Variants in LYPD6B observed in about 807,000 individuals in gnomAD.
LYPD6B encodes LY6/PLAUR domain containing 6B, also known as ly6/PLAUR domain-containing protein 6B.
Under a neutral mutation model 22.8 loss-of-function variants are expected in LYPD6B, and 17 were observed. The observed-to-expected ratio is 0.75, with a 90% CI of 0.51 to 1.12. The LOEUF is 1.12. Among genes scored for constraint, LYPD6B ranks in the 50% most tolerant of loss-of-function variants. LYPD6B has a pLI of 0.00. For synonymous variants in LYPD6B, 106 were observed against 91.6 expected (o/e 1.16, Z -0.90); for missense variants, 221 against 258.3 (o/e 0.86, Z 0.99).
At chr2:149,058,552 A>G (rs1683913003) in intron 1 of LYPD6B, among the ~76,000 whole-genome samples, 1 of 152,192 alleles carries the variant, frequency 6.6e-6, no homozygotes, top group Non-Finnish European at 1.5e-5. Flanking sequence ...TGAGGCTGTC[A>G]TTGGGACAGG....
intron 1 of LYPD6B, among the ~76,000 whole-genome samples, chr2:149,105,043 T>C (rs1408490164): frequency 6.6e-6 from 1 of 152,228 alleles, no homozygotes; most frequent in East Asian, 1.9e-4. Flanking sequence ...TTATCATTCC[T>C]CTGAATGGTT....
In LYPD6B at chr2:149,213,101, C is replaced by T. The variant is rs920332371; in HGVS notation, c.438C>T (p.His146=). The T allele has an allele frequency of 1.2e-6, 2 of 1,613,822 alleles. No homozygotes were observed. The highest frequency in any genetic ancestry group is 1.1e-5 in the South Asian group (1 of 91,076). The change falls in exon 6 of 7, where the codon CAC becomes CAT. Residue 146 remains histidine (H), a synonymous_variant. Transcript: ENST00000409642. Reference sequence around the variant, plus strand: ...AATGTCATTTTGTCGGTTGCCACCACAGCCGAGATTCTGAACATACGGTAA... The same window carrying T: ...AATGTCATTTTGTCGGTTGCCACCATAGCCGAGATTCTGAACATACGGTAA... ...RSECHFVGCH[H]SRDSEHTECR...
At chr2:149,200,086 T>A (rs1693056925) in intron 3 of LYPD6B, among the ~76,000 whole-genome samples, 1 of 152,360 alleles carries the variant, frequency 6.6e-6, no homozygotes, top group Admixed American at 6.5e-5. Flanking sequence ...TGCCTTCTAT[T>A]CTTTTTACAA....
intron 3 of LYPD6B, among the ~76,000 whole-genome samples, chr2:149,184,679 C>A (rs1248530855): frequency 6.6e-6 from 1 of 152,168 alleles, no homozygotes. Context: ...GATTTGACAT[C>A]AGCTTGGTAC....
At chr2:149,175,061 C>CTCTCTCTCTCTCTGTG (rs1454802925) in intron 3 of LYPD6B, among the ~76,000 whole-genome samples, 69 of 113,062 alleles carry the variant, frequency 6.1e-4, no homozygotes, top group East Asian at 1.7e-3. Flanking sequence ...CTCTCTCTCT[C>CTCTCTCTCTCTCTGTG]TGTGTGTGTG....
chr2:149,205,986 A>G (rs1420891026), intron 4 of LYPD6B: 1 of 468,212 alleles, frequency 2.1e-6, no homozygotes, highest in South Asian at 1.6e-5. Context: ...ATGTGTTTGT[A>G]TACATATGTC....
chr2:149,128,237 C>G (rs1687820033), intron 1 of LYPD6B, among the ~76,000 whole-genome samples: 2 of 152,140 alleles, frequency 1.3e-5, no homozygotes, highest in African/African-American at 4.8e-5. Flanking sequence ...ATGTAACAAA[C>G]TTTACTGGAA....
intron 1 of LYPD6B, among the ~76,000 whole-genome samples, chr2:149,039,271 G>A (rs1012771539): frequency 1.7e-4 from 26 of 152,236 alleles, no homozygotes; most frequent in Non-Finnish European, 2.9e-5. Context: ...GACCAGCTTG[G>A]GTGCCGCCGC....
chr2:149,088,741 G>A (rs2105430668), intron 1 of LYPD6B, among the ~76,000 whole-genome samples: 1 of 152,306 alleles, frequency 6.6e-6, no homozygotes, highest in South Asian at 2.1e-4. Flanking sequence ...GGACCATTGT[G>A]CAATGACTAA....
At chr2:149,176,318 A>G (rs571242466) in intron 3 of LYPD6B, among the ~76,000 whole-genome samples, 9 of 152,324 alleles carry the variant, frequency 5.9e-5, no homozygotes, top group African/African-American at 2.2e-4. Flanking sequence ...TGTTTGTGTT[A>G]CTTGTATAAT....
At chr2:149,185,168 G>T (rs1575141407) in intron 3 of LYPD6B, among the ~76,000 whole-genome samples, 1 of 152,106 alleles carries the variant, frequency 6.6e-6, no homozygotes, top group East Asian at 1.9e-4. Context: ...CTGTTGCATG[G>T]GCTTCTGGGG....
chr2:149,140,645 G>C (rs1487883379), intron 2 of LYPD6B, among the ~76,000 whole-genome samples: 1 of 152,204 alleles, frequency 6.6e-6, no homozygotes, highest in Non-Finnish European at 1.5e-5. Context: ...TAGAATGCCA[G>C]TACTTTTGTA....
intron 2 of LYPD6B, among the ~76,000 whole-genome samples, chr2:149,137,097 T>C (rs897831896): frequency 1.3e-5 from 2 of 152,220 alleles, no homozygotes. Flanking sequence ...AGCAGACATT[T>C]ATTGAGCATC....
rs143582119 is a variant in LYPD6B, at chr2:149,117,363, C to T, written c.-66-13520C>T. On this transcript the variant is annotated intron_variant, in intron 1 of 6. Transcript: ENST00000409642. Reference sequence around the variant, plus strand: ...TTGGCTCACTGATATCTCTGCCTCCCGGGTTCAAGTGATTCTCGTGCCTCA... The same window carrying T: ...TTGGCTCACTGATATCTCTGCCTCCTGGGTTCAAGTGATTCTCGTGCCTCA... Among the ~76,000 whole-genome samples, 10 of 151,862 alleles carry T rather than the reference C, an allele frequency of 6.6e-5. No individual in the cohort carries two copies. The East Asian group carries it at 1.4e-3, about 21-fold the overall frequency.
At chr2:149,133,694 G>A (rs143438968) in intron 2 of LYPD6B, among the ~76,000 whole-genome samples, 2,699 of 152,314 alleles carry the variant, frequency 0.018, 41 homozygotes, top group Non-Finnish European at 0.022. Flanking sequence ...TTTTTGTAGA[G>A]TGCTTTTCTC....
chr2:149,136,376 T>G (rs1302153294), intron 2 of LYPD6B, among the ~76,000 whole-genome samples: 1 of 152,208 alleles, frequency 6.6e-6, no homozygotes, highest in Non-Finnish European at 1.5e-5. Flanking sequence ...TTACCGTGGC[T>G]TTTGGTAGAA....
intron 3 of LYPD6B, among the ~76,000 whole-genome samples, chr2:149,179,099 A>C (rs781041542): frequency 2.0e-5 from 3 of 152,208 alleles, no homozygotes; most frequent in East Asian, 1.9e-4. Flanking sequence ...AGACGAGTGC[A>C]TGCTGGCTGG....
chr2:149,091,735 A>G (rs1301382771), intron 1 of LYPD6B, among the ~76,000 whole-genome samples: 1 of 152,094 alleles, frequency 6.6e-6, no homozygotes, highest in Non-Finnish European at 1.5e-5. Flanking sequence ...CCATAAACCA[A>G]TCAACATTTA....
intron 3 of LYPD6B, among the ~76,000 whole-genome samples, chr2:149,191,884 C>G (rs1319790676): frequency 6.6e-6 from 1 of 152,136 alleles, no homozygotes; most frequent in African/African-American, 2.4e-5. Context: ...AAGCCTGAAG[C>G]TTGGGGCAGG....
Sources: gnomAD v4.1 joint callset for allele counts (sites outside exome capture counted in the v4.1 genomes callset) on GRCh38, gnomAD v4.1.1 for gene constraint, MANE v1.5 for transcripts, NCBI Gene and HGNC (gene_info 2026-07-23, HGNC 2026-07-21) for gene names.